CALD1: variants seen among roughly 807,000 people sequenced by gnomAD.
The protein encoded by CALD1 is caldesmon 1, also known as caldesmon.
Under a neutral mutation model 99.9 loss-of-function variants are expected in CALD1, and 33 were observed. The observed-to-expected ratio is 0.33, with a 90% confidence interval of 0.25 to 0.44. CALD1 has a LOEUF of 0.44. Ranked by LOEUF, CALD1 falls within the 20% of genes least tolerant of loss-of-function variation. CALD1 has a pLI of 1.00. For synonymous variants in CALD1, 310 were observed against 325.0 expected, an observed-to-expected ratio of 0.95 and a Z score of 0.50; for missense variants, 861 against 962.1, an observed-to-expected ratio of 0.89 and a Z score of 1.39.
intron 1 of CALD1, among the ~76,000 whole-genome samples, chr7:134,839,017 C>A (rs1480240963): frequency 6.6e-6 from 1 of 152,222 alleles, no homozygotes; most frequent in Non-Finnish European, 1.5e-5. Context: ...GAGTAGTCAG[C>A]ATCCAGATCA....
chr7:134,812,512 C>T (rs1798390593), intron 1 of CALD1, among the ~76,000 whole-genome samples: 1 of 151,792 alleles, frequency 6.6e-6, no homozygotes, highest in African/African-American at 2.4e-5. Flanking sequence ...TAGGCCTTCT[C>T]CTACTTCCCA....
intron 3 of CALD1, among the ~76,000 whole-genome samples, chr7:134,924,826 G>A (rs769637130): frequency 2.6e-5 from 4 of 152,078 alleles, no homozygotes; most frequent in Non-Finnish European, 5.9e-5. Context: ...TGAATCATGG[G>A]TGCAGTTTCC....
At chr7:134,757,749 C>T (rs544673414) in intron 1 of CALD1, among the ~76,000 whole-genome samples, 6 of 151,894 alleles carry the variant, frequency 4.0e-5, no homozygotes, top group South Asian at 4.2e-4. Flanking sequence ...CATGGTGGTG[C>T]GCGCCTGTGA....
chr7:134,748,878 C>A lies in CALD1; in HGVS notation c.-130+4515C>A, dbSNP rs1269203729. Among the ~76,000 whole-genome samples the A allele has an allele frequency of 2.6e-5, 4 of 152,090 alleles. No individual in the cohort carries two copies. The East Asian group carries it at 7.7e-4, about 29-fold the overall frequency. On this transcript the variant is annotated intron_variant, in intron 1 of 13. Transcript: ENST00000417172. ...TACTGCCTCTGGGAGGTGATTAGGTCATCAGAGCAGTCCTCATGTATGGGA... is the reference window on the plus strand; with the variant it reads ...TACTGCCTCTGGGAGGTGATTAGGTAATCAGAGCAGTCCTCATGTATGGGA...
At chr7:134,891,006 T>C (rs900524519) in intron 3 of CALD1, among the ~76,000 whole-genome samples, 1 of 152,222 alleles carries the variant, frequency 6.6e-6, no homozygotes, top group Non-Finnish European at 1.5e-5. Context: ...GGAAGCCACC[T>C]ACACCAATGC....
chr7:134,772,701 T>A lies in CALD1; in HGVS notation c.-130+28338T>A, dbSNP rs1416252489. On this transcript the variant is annotated intron_variant, in intron 1 of 13. Transcript: ENST00000417172. The stretch of plus-strand genomic sequence containing the variant: ...TTTTCCTTTCTTGTACAAATTTTTT[T>A]AAATTATAATGACCTCAATCTTACA... 2.6e-5 allele frequency among the ~76,000 whole-genome samples: 4 copies of A among 152,380 alleles called. No individual in the cohort carries two copies. The South Asian group carries it at 6.2e-4, about 24-fold the overall frequency.
rs1371000867 is a variant in CALD1 at position 134,933,649 on chromosome 7, A to G, written c.880A>G (p.Arg294Gly). Residue 294 changes from arginine (R) to glycine (G), a missense_variant, in exon 5 of 15, where the codon AGA becomes GGA. Around this residue, in one of 5 missense-constraint regions of CALD1, gnomAD observed 234 missense variants for 233.1 expected, o/e 1.00. Transcript: ENST00000361675. Reference protein sequence around the residue: ...QDKKIADERARIEAEEKAAAQ... With the variant: ...QDKKIADERAGIEAEEKAAAQ... ...CAAAAAGATAGCAGATGAACGAGCAAGAATTGAAGCAGAAGAAAAAGCAGC... is the reference window on the plus strand; with the variant it reads ...CAAAAAGATAGCAGATGAACGAGCAGGAATTGAAGCAGAAGAAAAAGCAGC... 3.7e-6 allele frequency: 6 copies of G among 1,606,602 alleles called. No homozygotes were observed. Among genetic ancestry groups the G allele is most frequent in the Non-Finnish European group, 5.1e-6 (6 of 1,176,062 alleles).
At chr7:134,719,382 C>T in the CALD1 span, among the ~76,000 whole-genome samples, 1 of 152,070 alleles carries the variant, frequency 6.6e-6, no homozygotes, top group Non-Finnish European at 1.5e-5. Context: ...GAGTTGGGAG[C>T]AGAACAGGGT....
rs1333472791 is a variant in CALD1, at chr7:134,960,593, C to A, written c.2260C>A (p.Pro754Thr). 1.9e-6 allele frequency: 3 copies of A among 1,613,550 alleles called. No homozygotes were observed. The South Asian group carries it at 3.3e-5, about 18-fold the overall frequency. Residue 754 changes from proline (P) to threonine (T), a missense_variant, in exon 13 of 15, where the codon CCA becomes ACA. Physicochemically the swap from Pro to Thr is conservative, Grantham distance 38 (BLOSUM62 -1). Around this residue, in one of 5 missense-constraint regions of CALD1, gnomAD observed 190 missense variants for 249.0 expected, o/e 0.76. Transcript: ENST00000361675. ...SRINEWLTKT[P>T]DGNKSPAPKP... ...CATCAATGAATGGCTAACTAAAACC[C>A]CAGATGGAAACAAGTCACCTGCTCC... is the stretch of plus-strand genomic sequence containing the variant.
Position 134,969,917 on chromosome 7 carries a change from T to C in CALD1, c.*1572T>C, listed in dbSNP as rs2133317773. 6.6e-6 allele frequency: 1 copy of C among 152,626 alleles called. No homozygotes were observed. Among genetic ancestry groups the C allele is most frequent in the East Asian group, 1.9e-4 (1 of 5,202 alleles). The allele number at this position is 152,626 out of a possible 1,614,324, so 9.5% of individuals were successfully genotyped here. Reference sequence around the variant, plus strand: ...GTGGACTTAACCAAAATTGTGTTAGTCTCAATTCCTACCACACTGAGGGAG... The same window carrying C: ...GTGGACTTAACCAAAATTGTGTTAGCCTCAATTCCTACCACACTGAGGGAG... On this transcript the variant is annotated 3_prime_UTR_variant, in exon 15 of 15. Transcript: ENST00000361675.
At chr7:134,966,513 C>G (rs1808691104) in intron 14 of CALD1, among the ~76,000 whole-genome samples, 1 of 152,184 alleles carries the variant, frequency 6.6e-6, no homozygotes, top group African/African-American at 2.4e-5. Flanking sequence ...TTCATTTGAT[C>G]CTCCAGTCAC....
upstream of CALD1, among the ~76,000 whole-genome samples, chr7:134,740,355 T>A (rs1166602964): frequency 6.6e-6 from 1 of 152,182 alleles, no homozygotes; most frequent in Admixed American, 6.5e-5. Context: ...TATCTTGACA[T>A]GCTGCAATGC....
chr7:134,784,821 T>C (rs1797245349), intron 1 of CALD1, among the ~76,000 whole-genome samples: 1 of 151,916 alleles, frequency 6.6e-6, no homozygotes, highest in Non-Finnish European at 1.5e-5. Flanking sequence ...ATTTACTCCA[T>C]CCCTTTCCAC....
chr7:134,820,483 G>T (rs943183294), intron 1 of CALD1, among the ~76,000 whole-genome samples: 2 of 152,084 alleles, frequency 1.3e-5, no homozygotes, highest in African/African-American at 4.8e-5. Context: ...CTAGATGTTG[G>T]GTGATCTTAT....
intron 1 of CALD1, among the ~76,000 whole-genome samples, chr7:134,827,042 T>C (rs922908516): frequency 3.3e-5 from 5 of 152,220 alleles, no homozygotes; most frequent in African/African-American, 4.8e-5. Flanking sequence ...AAATTAACTC[T>C]TTAGCTCTTT....
chr7:134,881,656 A>G (rs1036449050), intron 3 of CALD1, among the ~76,000 whole-genome samples: 5 of 152,180 alleles, frequency 3.3e-5, no homozygotes, highest in African/African-American at 1.2e-4. Flanking sequence ...CTGTGTTTCA[A>G]AGGAATTTTC....
At chr7:134,782,738 A>G (rs1024874702) in intron 1 of CALD1, among the ~76,000 whole-genome samples, 1 of 152,172 alleles carries the variant, frequency 6.6e-6, no homozygotes, top group Non-Finnish European at 1.5e-5. Flanking sequence ...CTATCATTTG[A>G]GTCCTCTGGA....
chr7:134,817,284 T>C (rs1798599543), intron 1 of CALD1, among the ~76,000 whole-genome samples: 1 of 152,200 alleles, frequency 6.6e-6, no homozygotes, highest in Non-Finnish European at 1.5e-5. Context: ...CTTTATTTGC[T>C]CTTTTTGACC....
At chr7:134,898,916 C>G (rs1430423722) in intron 3 of CALD1, among the ~76,000 whole-genome samples, 2 of 152,128 alleles carry the variant, frequency 1.3e-5, no homozygotes, top group Non-Finnish European at 2.9e-5. Context: ...AAGTCATGAA[C>G]CTATTTGTAA....
Sources: gnomAD v4.1 joint callset for allele counts (sites outside exome capture counted in the v4.1 genomes callset) on GRCh38, gnomAD v4.1.1 for gene constraint, gnomAD v4.1.1 regional missense constraint, MANE v1.5 for transcripts, NCBI Gene and HGNC (gene_info 2026-07-23, HGNC 2026-07-21) for gene names.